The following FAM178B variants were observed in gnomAD, a reference collection of about 807,000 sequenced individuals.
The protein encoded by FAM178B is family with sequence similarity 178 member B.
A neutral mutation model predicts 91.7 loss-of-function variants in FAM178B; 82 were observed. The ratio of observed to expected loss-of-function variants is 0.89; its 90% CI spans 0.75 to 1.07. The LOEUF is 1.07. Among genes scored for constraint, FAM178B ranks in the 50% least tolerant of loss-of-function variants. The pLI, the probability that FAM178B is intolerant of heterozygous loss-of-function variation, is 0.00. For synonymous variants in FAM178B, 368 were observed against 359.4 expected, an observed-to-expected ratio of 1.02 and a Z score of -0.27; for missense variants, 769 against 846.7, an observed-to-expected ratio of 0.91 and a Z score of 1.14.
rs1156771217 is a variant in FAM178B, at chr2:96,878,416, C to T, written c.1854G>A (p.Trp618Ter). 4 of 1,613,688 alleles carry T rather than the reference C, an allele frequency of 2.5e-6. No individual in the cohort carries two copies. The highest frequency in any genetic ancestry group is 3.4e-6 in the Non-Finnish European group (4 of 1,179,900). Residue 618 changes from tryptophan to a stop codon, truncating the protein, a stop_gained and splice_region_variant, in exon 15 of 17, where the codon TGG becomes TGA. Transcript: ENST00000490605. LOFTEE classifies it high-confidence loss of function. ...CAGCCCTGCCCCTTGGGAGACTCAC[C>T]CACTGGTCTGGAGTGATGTCCTGGC... Reference protein sequence around the residue: ...VSCQDITPDQWGELQLLCMQL... With the variant: ...VSCQDITPDQ
At chr2:96,903,909 A>G (rs2080981388) in intron 12 of FAM178B, among the ~76,000 whole-genome samples, 2 of 152,220 alleles carry the variant, frequency 1.3e-5, no homozygotes, top group South Asian at 4.1e-4. Flanking sequence ...AGAAAGTCAG[A>G]GGACTCGACA....
intron 12 of FAM178B, among the ~76,000 whole-genome samples, chr2:96,911,874 G>A (rs2081165205): frequency 1.3e-5 from 2 of 152,116 alleles, no homozygotes; most frequent in African/African-American, 4.8e-5. Flanking sequence ...CTGGGAAGGC[G>A]GTGACTCCTG....
intron 8 of FAM178B, among the ~76,000 whole-genome samples, chr2:96,932,719 C>T: frequency 6.6e-6 from 1 of 151,954 alleles, no homozygotes; most frequent in Non-Finnish European, 1.5e-5. Flanking sequence ...GGGTGGATCA[C>T]CTGAGGTCAG....
At chr2:96,950,122 C>T (rs756925510) in intron 7 of FAM178B, 71 of 985,384 alleles carry the variant, frequency 7.2e-5, no homozygotes, top group East Asian at 1.1e-4. Flanking sequence ...GACACGCCCC[C>T]GGGAAGGCAC....
At chr2:96,980,723 G>A (rs1157987810) in intron 1 of FAM178B, among the ~76,000 whole-genome samples, 3 of 152,084 alleles carry the variant, frequency 2.0e-5, no homozygotes, top group Non-Finnish European at 2.9e-5. Flanking sequence ...TTTAATTTGG[G>A]TTTCCCTGGT....
intron 12 of FAM178B, among the ~76,000 whole-genome samples, chr2:96,905,823 T>C (rs1189761704): frequency 6.3e-5 from 1 of 15,782 alleles, no homozygotes; most frequent in South Asian, 2.5e-3. Flanking sequence ...TGTGTGTATA[T>C]ATATATATAT....
chr2:96,959,529 G>GACC (rs2082050906), intron 6 of FAM178B, among the ~76,000 whole-genome samples: 1 of 152,180 alleles, frequency 6.6e-6, no homozygotes, highest in Admixed American at 6.5e-5. Flanking sequence ...TGGCCGAAGA[G>GACC]ACCACAGCAG....
intron 13 of FAM178B, among the ~76,000 whole-genome samples, chr2:96,894,336 C>A (rs1210267438): frequency 6.8e-6 from 1 of 147,686 alleles, no homozygotes; most frequent in Non-Finnish European, 1.5e-5. Flanking sequence ...ACTCTTCCCC[C>A]CACAGACCTG....
chr2:96,940,413 CAA>C (rs1559085883), intron 8 of FAM178B, among the ~76,000 whole-genome samples: 1 of 152,190 alleles, frequency 6.6e-6, no homozygotes, highest in African/African-American at 2.4e-5. Context: ...CTGCAAACCA[CAA>C]GAGAGGCAGA....
intron 12 of FAM178B, among the ~76,000 whole-genome samples, chr2:96,905,850 A>ATGTATG (rs1395583402): frequency 3.9e-5 from 1 of 25,612 alleles, no homozygotes; most frequent in African/African-American, 2.0e-4. Context: ...ATATATATAT[A>ATGTATG]TATATATATA....
At chr2:96,932,625 G>A (rs917385717) in intron 8 of FAM178B, among the ~76,000 whole-genome samples, 1 of 152,140 alleles carries the variant, frequency 6.6e-6, no homozygotes, top group African/African-American at 2.4e-5. Flanking sequence ...GGGGAGCACC[G>A]GAACACTGTG....
intron 7 of FAM178B, among the ~76,000 whole-genome samples, chr2:96,951,142 G>T (rs2081920444): frequency 6.6e-6 from 1 of 152,136 alleles, no homozygotes; most frequent in African/African-American, 2.4e-5. Context: ...GAGGCTCCCA[G>T]CGCTCGCCGC....
chr2:96,876,378 G>A (rs956268248), intron 16 of FAM178B, 70 bp from the exon 17 acceptor site: 6 of 1,548,476 alleles, frequency 3.9e-6, no homozygotes, highest in Non-Finnish European at 4.4e-6. Context: ...GCAGCTCCCC[G>A]GGCTGGCGGT....
At chr2:96,968,628 CCA>C (rs1296711666) in intron 4 of FAM178B, among the ~76,000 whole-genome samples, 1 of 152,134 alleles carries the variant, frequency 6.6e-6, no homozygotes, top group African/African-American at 2.4e-5. Flanking sequence ...CCCATGTCTA[CCA>C]GCCAGGCCAC....
chr2:96,978,725 C>T (rs1015751939), intron 1 of FAM178B, among the ~76,000 whole-genome samples: 2 of 150,722 alleles, frequency 1.3e-5, no homozygotes, highest in Admixed American at 1.3e-4. Flanking sequence ...CCCAGGTTCA[C>T]GCCATTCTCC....
intron 5 of FAM178B, among the ~76,000 whole-genome samples, chr2:96,961,312 GGT>G (rs70964889): frequency 0.033 from 4,866 of 146,740 alleles, 92 homozygotes; most frequent in Non-Finnish European, 0.043. Flanking sequence ...AGCAGCAGAG[GGT>G]GTGTGTGTGT....
At chr2:96,976,219 G>A (rs893919676) in intron 1 of FAM178B, among the ~76,000 whole-genome samples, 3 of 151,214 alleles carry the variant, frequency 2.0e-5, no homozygotes, top group East Asian at 2.0e-4. Context: ...CTCAGCCTCC[G>A]AGTAGCTGGG....
At chr2:96,892,773 C>T (rs2080713958) in intron 14 of FAM178B, among the ~76,000 whole-genome samples, 1 of 152,168 alleles carries the variant, frequency 6.6e-6, no homozygotes, top group African/African-American at 2.4e-5. Flanking sequence ...TGCTCCCTGC[C>T]CAGGCCTCCC....
chr2:96,923,221 C>A (rs2081374470), intron 10 of FAM178B, among the ~76,000 whole-genome samples: 1 of 152,120 alleles, frequency 6.6e-6, no homozygotes, highest in South Asian at 2.1e-4. Context: ...GATCCACCTG[C>A]CTCAGCCTCC....
Sources: allele counts gnomAD v4.1 joint callset (sites outside exome capture counted in the v4.1 genomes callset), GRCh38; gene constraint gnomAD v4.1.1; transcripts MANE v1.5; gene names NCBI Gene and HGNC (gene_info 2026-07-23, HGNC 2026-07-21).